Variants in SLC41A2 observed in about 807,000 individuals in gnomAD.
SLC41A2 encodes solute carrier family 41 member 2, also known as SLC41A1-like 1.
In SLC41A2, 32 loss-of-function variants were observed where a neutral mutation model predicts 58.3. That is an observed-to-expected ratio of 0.55 (90% CI 0.41 to 0.74). The LOEUF is 0.74. Among genes scored for constraint, SLC41A2 ranks in the 30% least tolerant of loss-of-function variants. The pLI is 0.00. For missense variants in SLC41A2, 514 were observed against 680.6 expected (o/e 0.76, Z 2.72); for synonymous variants, 190 against 235.0 (o/e 0.81, Z 1.75).
In SLC41A2 at chr12:104,805,288, C is replaced by T; in HGVS notation, c.1586G>A (p.Arg529Lys). Reference sequence around the variant, plus strand: ...GAAACTATCCGGGTCCTTTCCTTTCCTCCAGAAGTGATGGACCATCCAGTC... The same window carrying T: ...GAAACTATCCGGGTCCTTTCCTTTCTTCCAGAAGTGATGGACCATCCAGTC... ...IADWMVHHFW[R>K]KGKDPDSFSI... The change falls in exon 11 of 11, where the codon AGG (arginine) becomes AAG (lysine). Residue 529 changes from arginine (R) to lysine (K), a missense_variant. Transcript: ENST00000258538. 6.2e-7 allele frequency: 1 copy of T among 1,613,814 alleles called. No homozygotes were observed. Among genetic ancestry groups the T allele is most frequent in the Non-Finnish European group, 8.5e-7 (1 of 1,179,824 alleles).
chr12:104,852,727 A>G (rs1461841244), intron 8 of SLC41A2, among the ~76,000 whole-genome samples: 1 of 152,208 alleles, frequency 6.6e-6, no homozygotes, highest in Non-Finnish European at 1.5e-5. Flanking sequence ...TTTTAAGTAA[A>G]CAACATAATT....
At chr12:104,840,124 T>C (rs977348803) in intron 10 of SLC41A2, among the ~76,000 whole-genome samples, 1 of 152,178 alleles carries the variant, frequency 6.6e-6, no homozygotes, top group African/African-American at 2.4e-5. Flanking sequence ...ACCCTGAAGA[T>C]GACAGTAAGA....
intron 6 of SLC41A2, among the ~76,000 whole-genome samples, chr12:104,876,968 T>C (rs1005038260): frequency 6.6e-6 from 1 of 152,246 alleles, no homozygotes; most frequent in Non-Finnish European, 1.5e-5. Flanking sequence ...TGCTCTGATA[T>C]TATGTGCATA....
chr12:104,928,240 G>A lies in SLC41A2; in HGVS notation c.288C>T (p.Ala96=), dbSNP rs745917621. The A allele has an allele frequency of 1.1e-5, 18 of 1,613,966 alleles. No homozygotes were observed. The highest frequency in any genetic ancestry group is 8.3e-5 in the Admixed American group (5 of 59,986). ...AGCTTGATGATGCGTGCCCATTATT[G>A]GCATGAAAAGACTGCTCTGAGAAAC... is the stretch of plus-strand genomic sequence containing the variant. ...YHSFSEQSFH[A]NNGHASSSCS... The change falls in exon 2 of 11, where the codon GCC becomes GCT. Residue 96 remains alanine (A), a synonymous_variant. Coordinates refer to ENST00000258538, the MANE Select transcript of SLC41A2 (RefSeq NM_001352171.3).
chr12:104,893,968 G>GT (rs1164320202), intron 4 of SLC41A2, among the ~76,000 whole-genome samples: 3 of 118,730 alleles, frequency 2.5e-5, no homozygotes, highest in Non-Finnish European at 3.8e-5. Context: ...AGTCAATAAT[G>GT]TAATTGTACA....
At chr12:104,841,772 G>A (rs1253101788) in intron 10 of SLC41A2, among the ~76,000 whole-genome samples, 3 of 152,206 alleles carry the variant, frequency 2.0e-5, no homozygotes, top group South Asian at 2.1e-4. Context: ...GTGGGTTGGG[G>A]AATTAGCAGG....
intron 2 of SLC41A2, among the ~76,000 whole-genome samples, chr12:104,920,713 A>G (rs951989878): frequency 6.6e-6 from 1 of 152,028 alleles, no homozygotes; most frequent in Non-Finnish European, 1.5e-5. Flanking sequence ...TCACAAGGTC[A>G]GGAGATCGAG....
At chr12:104,831,363 C>T (rs1199808465) in intron 10 of SLC41A2, among the ~76,000 whole-genome samples, 7 of 152,130 alleles carry the variant, frequency 4.6e-5, no homozygotes, top group Non-Finnish European at 1.0e-4. Context: ...AGGCATGAGC[C>T]ACCATGACCT....
At chr12:104,881,673 T>G (rs2044377836) in intron 6 of SLC41A2, among the ~76,000 whole-genome samples, 1 of 152,232 alleles carries the variant, frequency 6.6e-6, no homozygotes, top group Non-Finnish European at 1.5e-5. Flanking sequence ...CACTGTGGTC[T>G]GAGAGATAGT....
At chr12:104,921,237 A>G (rs1236250344) in intron 2 of SLC41A2, among the ~76,000 whole-genome samples, 1 of 152,042 alleles carries the variant, frequency 6.6e-6, no homozygotes, top group Non-Finnish European at 1.5e-5. Flanking sequence ...AAAACTGAAA[A>G]CTTTCCAAAA....
At chr12:104,934,622 A>T (rs2135917172) in intron 1 of SLC41A2, among the ~76,000 whole-genome samples, 1 of 152,348 alleles carries the variant, frequency 6.6e-6, no homozygotes, top group Admixed American at 6.5e-5. Context: ...CAAGATATGG[A>T]AGTAATCTAG....
chr12:104,889,280 C>T lies in SLC41A2; in HGVS notation c.736-103G>A, dbSNP rs2044827447. 5.8e-6 allele frequency: 7 copies of T among 1,200,558 alleles called. No homozygotes were observed. The Middle Eastern group carries it at 1.2e-3, about 203-fold the overall frequency. The allele number at this position is 1,200,558 out of a possible 1,614,324, so 74.4% of individuals were successfully genotyped here. ...CTACAAAAAGTCAAAAAAAGTATTG[C>T]ATGTAATAATTGAGCTACATTACCT... is the stretch of plus-strand genomic sequence containing the variant. On this transcript the variant is annotated intron_variant, in intron 4 of 10. Coordinates refer to ENST00000258538, the MANE Select transcript of SLC41A2 (RefSeq NM_001352171.3).
Position 104,805,174 on chromosome 12 carries a change from C to T in SLC41A2, c.1700G>A (p.Arg567Gln), listed in dbSNP as rs1472808514. The change falls in exon 11 of 11, where the codon CGA becomes CAA. Residue 567 changes from arginine (R) to glutamine (Q), a missense_variant. Around this residue, in one of 3 missense-constraint regions of SLC41A2, gnomAD observed 128 missense variants for 146.0 expected, o/e 0.88. Coordinates refer to ENST00000258538, the MANE Select transcript of SLC41A2 (RefSeq NM_001352171.3). ...TTATTAGTCTCCAACATCTCCATCT[C>T]GATCTCCAATAAGCCAAAGAAAATG... ...SFHFLWLIGD[R>Q]DGDVGD 3.1e-6 allele frequency: 5 copies of T among 1,611,074 alleles called. No homozygotes were observed. The highest frequency in any genetic ancestry group is 1.3e-5 in the African/African-American group (1 of 74,838).
At chr12:104,831,249 C>G (rs1423825148) in intron 10 of SLC41A2, among the ~76,000 whole-genome samples, 2 of 152,214 alleles carry the variant, frequency 1.3e-5, no homozygotes, top group Middle Eastern at 3.4e-3. Context: ...CTCTCTCTCT[C>G]TCTCTGTAGA....
At position 104,909,769 on chromosome 12, in the gene SLC41A2, G is replaced by A; in HGVS notation, c.556-7C>T. The stretch of plus-strand genomic sequence containing the variant: ...TTCTGAACACCTCCCAGTGCTGTAA[G>A]AAAAAAAATAAAATAAAATTTTCTG... On this transcript the variant is annotated splice_region_variant and splice_polypyrimidine_tract_variant and intron_variant, in intron 2 of 10. Transcript: ENST00000258538. The A allele has an allele frequency of 6.5e-7, 1 of 1,543,408 alleles. No individual in the cohort carries two copies. Among genetic ancestry groups the A allele is most frequent in the Non-Finnish European group, 8.7e-7 (1 of 1,146,758 alleles).
intron 10 of SLC41A2, among the ~76,000 whole-genome samples, chr12:104,808,090 C>A (rs530431796): frequency 6.6e-6 from 1 of 152,300 alleles, no homozygotes; most frequent in East Asian, 1.9e-4. Flanking sequence ...CTGGCCAGAA[C>A]TTCCAACACT....
intron 3 of SLC41A2, among the ~76,000 whole-genome samples, chr12:104,907,870 T>C (rs2045919991): frequency 6.6e-6 from 1 of 152,200 alleles, no homozygotes; most frequent in African/African-American, 2.4e-5. Flanking sequence ...ACCAGATATT[T>C]CATTATTGTC....
chr12:104,947,925 C>T (rs2047793710), intron 1 of SLC41A2, among the ~76,000 whole-genome samples: 1 of 152,110 alleles, frequency 6.6e-6, no homozygotes, highest in Non-Finnish European at 1.5e-5. Flanking sequence ...GGCTAATGAA[C>T]TAAGTCTACT....
At chr12:104,856,317 A>G (rs1339862458) in intron 8 of SLC41A2, among the ~76,000 whole-genome samples, 1 of 152,252 alleles carries the variant, frequency 6.6e-6, no homozygotes, top group Non-Finnish European at 1.5e-5. Context: ...AAAAGGGTAT[A>G]GTAAATAGTA....
Sources: allele counts gnomAD v4.1 joint callset (sites outside exome capture counted in the v4.1 genomes callset), GRCh38; gene constraint gnomAD v4.1.1; regional missense constraint gnomAD v4.1.1; transcripts MANE v1.5; gene names NCBI Gene and HGNC (gene_info 2026-07-23, HGNC 2026-07-21).